Variants in ZFYVE26 observed in about 807,000 individuals in gnomAD.
ZFYVE26 encodes the protein zinc finger FYVE domain-containing protein 26.
In ZFYVE26, 181 loss-of-function variants were observed where a neutral mutation model predicts 276.5. The ratio of observed to expected loss-of-function variants is 0.65; its 90% CI spans 0.58 to 0.74. The LOEUF is 0.74. Ranked by LOEUF, ZFYVE26 falls within the 30% of genes least tolerant of loss-of-function variation. The pLI is 0.00. For synonymous variants in ZFYVE26, 1,129 were observed against 1,203.1 expected (o/e 0.94, Z 1.27); for missense variants, 2,821 against 3,097.9 (o/e 0.91, Z 2.12).
chr14:67,802,355 A>C, intron 9 of ZFYVE26, 73 bp from the exon 10 acceptor site: 2 of 1,484,764 alleles, frequency 1.3e-6, no homozygotes, highest in Non-Finnish European at 1.9e-6. Flanking sequence ...TGAAGCAAAG[A>C]GATGCTGTGC....
intron 13 of ZFYVE26, among the ~76,000 whole-genome samples, chr14:67,736,599 C>A (rs2038354867): frequency 6.6e-6 from 1 of 152,030 alleles, no homozygotes; most frequent in Non-Finnish European, 1.5e-5. Context: ...ATTCTTAAGA[C>A]ATGAAAAGCA....
At chr14:67,797,583 T>G (rs1453393563) in intron 12 of ZFYVE26, 89 bp downstream of exon 12, 2 of 1,411,384 alleles carry the variant, frequency 1.4e-6, no homozygotes, top group Non-Finnish European at 2.0e-6. Context: ...GCTTTTGTTG[T>G]TTTTGACCAT....
At chr14:67,742,838 C>CTTCTTTTTTTTTTTTTTT (rs769663149), downstream of ZFYVE26, among the ~76,000 whole-genome samples, 21 of 89,768 alleles carry the variant, frequency 2.3e-4, no homozygotes, top group Non-Finnish European at 3.0e-4. Context: ...TCTTCTTCTT[C>CTTCTTTTTTTTTTTTTTT]TTTTTTTTTT....
At chr14:67,771,899 C>CA in intron 28 of ZFYVE26, 148 bp downstream of exon 28, 1 of 1,093,724 alleles carries the variant, frequency 9.1e-7, no homozygotes, top group Non-Finnish European at 1.3e-6. Flanking sequence ...CTGGTCAGGT[C>CA]AAAAATGAAC....
At chr14:67,771,609 T>C (rs2039210614) in intron 28 of ZFYVE26, among the ~76,000 whole-genome samples, 1 of 152,216 alleles carries the variant, frequency 6.6e-6, no homozygotes, top group African/African-American at 2.4e-5. Context: ...ATCCTTAGTT[T>C]ACAAGTAGGC....
intron 3 of ZFYVE26, among the ~76,000 whole-genome samples, chr14:67,811,967 T>C (rs1020697601): frequency 1.4e-5 from 2 of 144,662 alleles, no homozygotes; most frequent in African/African-American, 5.0e-5. Context: ...ATATTATATA[T>C]GAAATATATA....
intron 6 of ZFYVE26, 49 bp from the exon 7 acceptor site, chr14:67,805,667 A>G (rs370348959): frequency 1.3e-6 from 2 of 1,595,798 alleles, no homozygotes; most frequent in Non-Finnish European, 1.7e-6. Flanking sequence ...ATGAGACAGA[A>G]TGGGTTCTAG....
intron 19 of ZFYVE26, among the ~76,000 whole-genome samples, chr14:67,784,717 G>A (rs902991164): frequency 2.6e-5 from 4 of 152,184 alleles, no homozygotes; most frequent in Admixed American, 2.6e-4. Flanking sequence ...CGACTGAAGT[G>A]CATGTAGTAC....
chr14:67,759,342 G>A (rs1414546333), intron 35 of ZFYVE26, among the ~76,000 whole-genome samples: 3 of 149,908 alleles, frequency 2.0e-5, no homozygotes, highest in Non-Finnish European at 3.0e-5. Flanking sequence ...GACAGTGCAT[G>A]GTGGCCAGGC....
At chr14:67,811,808 C>A (rs990604143) in intron 3 of ZFYVE26, among the ~76,000 whole-genome samples, 50 of 147,176 alleles carry the variant, frequency 3.4e-4, no homozygotes, top group African/African-American at 1.1e-3. Context: ...TGTAATTTTA[C>A]AAATTTAATT....
At chr14:67,797,993 C>A in intron 11 of ZFYVE26, 21 bp downstream of exon 11, 1 of 1,613,962 alleles carries the variant, frequency 6.2e-7, no homozygotes, top group Non-Finnish European at 8.5e-7. Flanking sequence ...TCTGGTCCCA[C>A]CAGTTCCACC....
At chr14:67,769,530 T>C in intron 29 of ZFYVE26, 64 bp downstream of exon 29, 2 of 1,608,964 alleles carry the variant, frequency 1.2e-6, no homozygotes, top group East Asian at 2.2e-5. Context: ...CTCCTAGGAG[T>C]GTAGGGACCT....
chr14:67,786,274 ATT>A (rs765103793), intron 16 of ZFYVE26, 41 bp from the exon 17 acceptor site: 1 of 1,587,976 alleles, frequency 6.3e-7, no homozygotes, highest in African/African-American at 1.4e-5. Context: ...AAAAAAAAAA[ATT>A]GAAGTGTTTT....
At chr14:67,816,098 C>G in intron 1 of ZFYVE26, 52 bp from the exon 2 acceptor site, 1 of 703,448 alleles carries the variant, frequency 1.4e-6, no homozygotes, top group Admixed American at 2.9e-5. Flanking sequence ...TGTATTAAGA[C>G]AAAGCAGCAA....
chr14:67,768,296 C>T (rs1352017264), intron 30 of ZFYVE26, among the ~76,000 whole-genome samples: 2 of 152,202 alleles, frequency 1.3e-5, no homozygotes, highest in Admixed American at 6.5e-5. Context: ...TATTTGGTTG[C>T]TGGCCTTCTC....
Position 67,756,915 on chromosome 14 carries a change from C to T in ZFYVE26, c.6589-770G>A, listed in dbSNP as rs1196404681. Among the ~76,000 whole-genome samples, 13 of 152,208 alleles carry T rather than the reference C, an allele frequency of 8.5e-5. No homozygotes were observed. The South Asian group carries it at 2.5e-3, about 29-fold the overall frequency. On this transcript the variant is annotated intron_variant, in intron 35 of 41. Transcript: ENST00000347230. ...GAGATCTAACTGAATACATCTACAA[C>T]TACATTCCTGCTTGTTTCTTGAAAC...
Position 67,755,173 on chromosome 14 carries a change from C to T in ZFYVE26, c.6864G>A (p.Lys2288=). The change falls in exon 37 of 42, where the codon AAG becomes AAA. Residue 2288 remains lysine (K), a synonymous_variant. Transcript: ENST00000347230. ...KAKSYTELGE[K]LSWLLKAKDH... is the part of the protein sequence containing the mutation. The stretch of plus-strand genomic sequence containing the variant: ...CCTTGGCCTTAAGTAGCCATGAGAG[C>T]TTCTCTCCCAGTTCTGTATATGACT... 1 of 1,614,170 alleles carries T rather than the reference C, an allele frequency of 6.2e-7. No homozygotes were observed. Among genetic ancestry groups the T allele is most frequent in the South Asian group, 1.1e-5 (1 of 91,080 alleles).
chr14:67,748,987 G>A (rs1049678677), intron 41 of ZFYVE26, among the ~76,000 whole-genome samples: 4 of 152,116 alleles, frequency 2.6e-5, no homozygotes, highest in Admixed American at 1.3e-4. Context: ...CATTGCTCTC[G>A]CCCAGAGTTG....
chr14:67,798,648 G>A (rs771506439), intron 10 of ZFYVE26, 26 bp from the exon 11 acceptor site: 1 of 1,613,232 alleles, frequency 6.2e-7, no homozygotes, highest in Middle Eastern at 1.7e-4. Context: ...CAAGAGAAGA[G>A]GCCAGAGAAA....
Sources: allele counts gnomAD v4.1 joint callset (sites outside exome capture counted in the v4.1 genomes callset), GRCh38; gene constraint gnomAD v4.1.1; transcripts MANE v1.5; gene names NCBI Gene and HGNC (gene_info 2026-07-23, HGNC 2026-07-21).